PTCHD1: variants seen among roughly 807,000 people sequenced by gnomAD.
PTCHD1 encodes patched domain containing 1.
Under a neutral mutation model 34.6 loss-of-function variants are expected in PTCHD1, and 3 were observed. The observed-to-expected ratio is 0.09, with a 90% confidence interval of 0.04 to 0.22. The LOEUF is 0.22. PTCHD1 is among the 10% of genes least tolerant of loss of function. PTCHD1 has a pLI of 1.00. For missense variants in PTCHD1, 504 were observed against 685.5 expected, an observed-to-expected ratio of 0.74 and a Z score of 2.96; for synonymous variants, 305 against 283.1, an observed-to-expected ratio of 1.08 and a Z score of -0.77.
rs185913374 is a variant in PTCHD1, at chrX:23,398,783, C to T, written c.*4598C>T. ...GAAAGCAAAGAGGAAAGTGGATGAG[C>T]TATAATCCGTTCACCTGAATAGGCA... On this transcript the variant is annotated 3_prime_UTR_variant, in exon 3 of 3. Transcript: ENST00000379361. 9.9e-5 allele frequency: 11 copies of T among 110,927 alleles called. No individual in the cohort carries two copies. Among genetic ancestry groups the T allele is most frequent in the African/African-American group, 3.6e-4 (11 of 30,495 alleles). 9.1% of individuals were successfully genotyped at this position (110,927 alleles called of 1,213,427 possible). A position where few individuals can be genotyped will look rare whatever the true frequency, so the allele number is the denominator to read the frequency against.
chrX:23,350,962 C>T (rs934435362), intron 1 of PTCHD1: 2 of 214,991 alleles, frequency 9.3e-6, no homozygotes, highest in Admixed American at 1.4e-4. Context: ...CTTACCAGAG[C>T]CTACTGGATT....
rs1191426632 is a variant in PTCHD1 at position 23,399,260 on chromosome X, C to G, written c.*5075C>G. The G allele has an allele frequency of 8.9e-6, 1 of 111,867 alleles. No homozygotes were observed. Among genetic ancestry groups the G allele is most frequent in the African/African-American group, 3.3e-5 (1 of 30,714 alleles). 9.2% of individuals were successfully genotyped at this position (111,867 alleles called of 1,213,427 possible). On this transcript the variant is annotated 3_prime_UTR_variant, in exon 3 of 3. Transcript: ENST00000379361. ...AGAAACAGGAGACTATAATTGAAAT[C>G]TAGTTTTTAGCCTCAATTCTTTCTC...
chrX:23,357,730 T>A (rs1921846715), intron 1 of PTCHD1, among the ~76,000 whole-genome samples: 1 of 111,520 alleles, frequency 9.0e-6, no homozygotes, highest in South Asian at 3.8e-4. Context: ...TACATAGGTA[T>A]ACACGTGACA....
chrX:23,387,268 G>C (rs112665123), intron 2 of PTCHD1, among the ~76,000 whole-genome samples: 2,037 of 111,608 alleles, frequency 0.018, 40 homozygotes, highest in African/African-American at 0.062. Flanking sequence ...AGTAGATTCT[G>C]TCTTACCGGA....
rs761301286 is a variant in PTCHD1, at chrX:23,401,023, T to TTGTGTGTGTGTGTGTGTGTGTGTGTGTG, written c.*6846_*6873dup. 3 of 94,486 alleles carry TTGTGTGTGTGTGTGTGTGTGTGTGTGTG rather than the reference T, an allele frequency of 3.2e-5. No homozygotes were observed. Among genetic ancestry groups the TTGTGTGTGTGTGTGTGTGTGTGTGTGTG allele is most frequent in the African/African-American group, 1.2e-4 (3 of 24,501 alleles). The allele number at this position is 94,486 out of a possible 1,213,427, so 7.8% of individuals were successfully genotyped here. A position where few individuals can be genotyped will look rare whatever the true frequency, so the allele number is the denominator to read the frequency against. On this transcript the variant is annotated 3_prime_UTR_variant, in exon 3 of 3. Coordinates refer to ENST00000379361, the MANE Select transcript of PTCHD1 (RefSeq NM_173495.3). ...GGTGCCCGCCACCGCGCCCGGCTAATTGTGTGTGTGTGTGTGTGTGTGTGT... is the reference window on the plus strand; with the variant it reads ...GGTGCCCGCCACCGCGCCCGGCTAATTGTGTGTGTGTGTGTGTGTGTGTGTGTGTGTGTGTGTGTGTGTGTGTGTGTGT...
At chrX:23,334,780 GCGCCGCTGCCGCCGCCGC>G (rs1479713076), upstream of PTCHD1, 17 of 266,360 alleles carry the variant, frequency 6.4e-5, no homozygotes, top group South Asian at 4.0e-4. Flanking sequence ...GCCGCCGCGG[GCGCCGCTGCCGCCGCCGC>G]CGCCGCCGCC....
chrX:23,392,070 C>CTTTTTTTTTTTTTTTTT (rs1464413678), intron 2 of PTCHD1, among the ~76,000 whole-genome samples: 1 of 39,476 alleles, frequency 2.5e-5, no homozygotes, highest in African/African-American at 2.3e-4. Flanking sequence ...TTCTTTCTTT[C>CTTTTTTTTTTTTTTTTT]TTTCTTTTTT....
chrX:23,390,395 CTT>C (rs1922800734), intron 2 of PTCHD1, among the ~76,000 whole-genome samples: 1 of 109,471 alleles, frequency 9.1e-6, no homozygotes, highest in African/African-American at 3.3e-5. Context: ...GAAGTATTCT[CTT>C]TTTACCCTCA....
chrX:23,373,938 G>T (rs1320737022), intron 1 of PTCHD1, among the ~76,000 whole-genome samples: 2 of 112,086 alleles, frequency 1.8e-5, no homozygotes, highest in African/African-American at 6.5e-5. Flanking sequence ...AATATTTGGG[G>T]ACGGATGATA....
intron 1 of PTCHD1, among the ~76,000 whole-genome samples, chrX:23,368,046 C>A (rs948833312): frequency 1.8e-5 from 2 of 108,273 alleles, no homozygotes; most frequent in Admixed American, 2.0e-4. Context: ...ACAGCATTAA[C>A]AGGAGGAGCA....
chrX:23,375,561 G>C (rs1018413324), intron 1 of PTCHD1, among the ~76,000 whole-genome samples: 1 of 20,348 alleles, frequency 4.9e-5, no homozygotes, highest in Non-Finnish European at 7.3e-5. Flanking sequence ...TTACAGGCGT[G>C]AGCCACCGCG....
At chrX:23,391,839 CAT>C (rs1922836085) in intron 2 of PTCHD1, among the ~76,000 whole-genome samples, 1 of 111,024 alleles carries the variant, frequency 9.0e-6, no homozygotes, top group Non-Finnish European at 1.9e-5. Flanking sequence ...CCCCAAGAGA[CAT>C]ATGCACAAGT....
chrX:23,349,978 T>C lies in PTCHD1; in HGVS notation c.351+14752T>C, dbSNP rs572063247. 2.0e-4 allele frequency among the ~76,000 whole-genome samples: 19 copies of C among 97,070 alleles called. No homozygotes were observed. The South Asian group carries it at 8.8e-3, about 45-fold the overall frequency. 84.3% of individuals were successfully genotyped at this position (97,070 alleles called of 115,157 possible). On this transcript the variant is annotated intron_variant, in intron 1 of 2. Transcript: ENST00000379361. ...TGCAGGCAGAAGGCTTGGAATACAA[T>C]AGCTGCAGAAAGAGAAGAAAGGACA...
chrX:23,351,218 G>C, intron 1 of PTCHD1: 1 of 730,928 alleles, frequency 1.4e-6, no homozygotes, highest in East Asian at 3.2e-5. Context: ...TCACTGGACA[G>C]TATGGCTCAG....
chrX:23,380,171 C>T lies in PTCHD1; in HGVS notation c.932C>T (p.Thr311Ile). 8.3e-7 allele frequency: 1 copy of T among 1,211,256 alleles called. No homozygotes were observed. The highest frequency in any genetic ancestry group is 1.1e-6 in the Non-Finnish European group (1 of 895,085). ...LLGLVTISLA[T>I]LTAAGIINLT... ...GGATTGGTGACCATAAGCCTGGCCA[C>T]TCTCACTGCAGCCGGGATCATCAAT... The change falls in exon 2 of 3, where the codon ACT becomes ATT. Residue 311 changes from threonine (T) to isoleucine (I), a missense_variant. Transcript: ENST00000379361.
chrX:23,378,980 C>T (rs148647720), intron 1 of PTCHD1, among the ~76,000 whole-genome samples: 1 of 111,771 alleles, frequency 8.9e-6, no homozygotes, highest in African/African-American at 3.3e-5. Context: ...AAGCCAGAGA[C>T]AACAAGGACC....
chrX:23,394,111 C>A lies in PTCHD1; in HGVS notation c.2593C>A (p.Arg865=), dbSNP rs757239156. 5.0e-6 allele frequency: 6 copies of A among 1,209,570 alleles called. No homozygotes were observed. The highest frequency in any genetic ancestry group is 6.7e-6 in the Non-Finnish European group (6 of 894,630). ...GAAAGAGAAGAAAAATCCTGAGAAC[C>A]GGGAGGAAATTGAGTGTGTAGAAAT... is the stretch of plus-strand genomic sequence containing the variant. ...KRKEKKNPEN[R]EEIECVEMVD... is the part of the protein sequence containing the mutation. Residue 865 remains arginine, a synonymous_variant, in exon 3 of 3, where the codon CGG becomes AGG. Transcript: ENST00000379361.
rs1387505139 is a variant in PTCHD1, at chrX:23,394,405, C to CATAG, written c.*222_*225dup. ...GAGTTGTTATGAGAATTCACACACACATAGACACACACACACACACACACA... is the reference window on the plus strand; with the variant it reads ...GAGTTGTTATGAGAATTCACACACACATAGATAGACACACACACACACACACACA... On this transcript the variant is annotated 3_prime_UTR_variant, in exon 3 of 3. Transcript: ENST00000379361. 4 of 328,192 alleles carry CATAG rather than the reference C, an allele frequency of 1.2e-5. No homozygotes were observed. The highest frequency in any genetic ancestry group is 8.2e-5 in the African/African-American group (2 of 24,359). The allele number at this position is 328,192 out of a possible 1,213,427, so 27.0% of individuals were successfully genotyped here. A position where few individuals can be genotyped will look rare whatever the true frequency, so the allele number is the denominator to read the frequency against.
chrX:23,336,196 T>C (rs1921165831), intron 1 of PTCHD1, among the ~76,000 whole-genome samples: 1 of 111,590 alleles, frequency 9.0e-6, no homozygotes, highest in African/African-American at 3.3e-5. Flanking sequence ...AGCAGAGGAG[T>C]GAGGACTAGA....
Sources: gnomAD v4.1 joint callset for allele counts (sites outside exome capture counted in the v4.1 genomes callset) on GRCh38, gnomAD v4.1.1 for gene constraint, MANE v1.5 for transcripts, NCBI Gene and HGNC (gene_info 2026-07-23, HGNC 2026-07-21) for gene names.